PRKCA: variants seen among roughly 807,000 people sequenced by gnomAD.
PRKCA encodes the protein protein kinase C alpha, also known as protein kinase C alpha type.
PRKCA carries 27 observed loss-of-function variants against 87.0 expected under a neutral mutation model. The observed-to-expected ratio is 0.31, with a 90% CI of 0.23 to 0.43. PRKCA has a LOEUF of 0.43. Ranked by LOEUF, PRKCA falls within the 20% of genes least tolerant of loss-of-function variation. The pLI is 1.00. For missense variants in PRKCA, 518 were observed against 852.3 expected (o/e 0.61, Z 4.88); for synonymous variants, 329 against 311.1 (o/e 1.06, Z -0.61).
chr17:66,540,111 T>C (rs770736462), intron 3 of PRKCA, among the ~76,000 whole-genome samples: 1 of 152,192 alleles, frequency 6.6e-6, no homozygotes, highest in Non-Finnish European at 1.5e-5. Flanking sequence ...GTTTTCCCCA[T>C]TGGGAACCCT....
chr17:66,303,377 G>T (rs1904624799), intron 1 of PRKCA, among the ~76,000 whole-genome samples: 5 of 152,172 alleles, frequency 3.3e-5, no homozygotes, highest in Admixed American at 3.3e-4. Context: ...GGGGACAGGG[G>T]AGGAGGAGAG....
chr17:66,742,148 A>G (rs1396006121), intron 12 of PRKCA, among the ~76,000 whole-genome samples: 1 of 152,216 alleles, frequency 6.6e-6, no homozygotes, highest in African/African-American at 2.4e-5. Flanking sequence ...GTGCCAAAGA[A>G]GGAAGAATTT....
At chr17:66,725,665 C>T (rs35199350) in intron 8 of PRKCA, among the ~76,000 whole-genome samples, 45,352 of 151,266 alleles carry the variant, frequency 0.3, 7,567 homozygotes, top group African/African-American at 0.45. Flanking sequence ...AAAAAATTAG[C>T]TGGGTGTGGT....
chr17:66,348,118 T>C (rs981416047), intron 2 of PRKCA, among the ~76,000 whole-genome samples: 1 of 151,602 alleles, frequency 6.6e-6, no homozygotes, highest in African/African-American at 2.4e-5. Flanking sequence ...ATTTTTATAG[T>C]TTTAGTAGAG....
At chr17:66,646,497 T>C (rs1472217194) in intron 5 of PRKCA, among the ~76,000 whole-genome samples, 2 of 152,200 alleles carry the variant, frequency 1.3e-5, no homozygotes, top group Non-Finnish European at 2.9e-5. Flanking sequence ...ACATTACCCT[T>C]GTTGACAAGG....
chr17:66,768,926 A>G (rs1974870806), intron 13 of PRKCA, among the ~76,000 whole-genome samples: 1 of 152,238 alleles, frequency 6.6e-6, no homozygotes, highest in African/African-American at 2.4e-5. Flanking sequence ...TCCTTTGCTT[A>G]AGGGTGTAGG....
chr17:66,349,139 T>A (rs1907581618), intron 2 of PRKCA, among the ~76,000 whole-genome samples: 1 of 152,196 alleles, frequency 6.6e-6, no homozygotes, highest in Admixed American at 6.5e-5. Context: ...TCTCTTCCTG[T>A]CCATAATTTG....
chr17:66,348,776 G>C (rs977054820), intron 2 of PRKCA, among the ~76,000 whole-genome samples: 6 of 152,140 alleles, frequency 3.9e-5, no homozygotes, highest in African/African-American at 1.4e-4. Flanking sequence ...AACAGCAGAG[G>C]GGGAGGGCAG....
At position 66,804,903 on chromosome 17, in the gene PRKCA, A is replaced by G. The variant is rs12947438; in HGVS notation, c.*866A>G. 0.98 allele frequency: 754,602 copies of G among 773,168 alleles called. 368,249 individuals are homozygous for G. Among genetic ancestry groups the G allele is most frequent in the East Asian group, 1 (7,776 of 7,776 alleles). The allele number at this position is 773,168 out of a possible 1,614,324, so 47.9% of individuals were successfully genotyped here. ...ATGCCACTACTCACCAGTGTTGTTC[A>G]CCAACACCCACCCCCACACACACCA... On this transcript the variant is annotated 3_prime_UTR_variant, in exon 17 of 17. Coordinates refer to ENST00000413366, the MANE Select transcript of PRKCA (RefSeq NM_002737.3).
intron 8 of PRKCA, among the ~76,000 whole-genome samples, chr17:66,723,737 A>G (rs1292444077): frequency 6.6e-6 from 1 of 152,178 alleles, no homozygotes; most frequent in Non-Finnish European, 1.5e-5. Context: ...CCTTCAGTGC[A>G]GTCCAGAGAG....
intron 13 of PRKCA, among the ~76,000 whole-genome samples, chr17:66,762,049 TTGATTCACTTCTGTAAC>T (rs1974697932): frequency 6.6e-6 from 1 of 152,200 alleles, no homozygotes; most frequent in Admixed American, 6.5e-5. Context: ...AAAAATCTGT[TTGATTCACTTCTGTAAC>T]TGATTCACTT....
chr17:66,675,306 C>T (rs916073489), intron 5 of PRKCA, among the ~76,000 whole-genome samples: 9 of 152,184 alleles, frequency 5.9e-5, no homozygotes, highest in African/African-American at 2.2e-4. Flanking sequence ...AGGCTCTGCC[C>T]TCCTGGCCTA....
intron 2 of PRKCA, among the ~76,000 whole-genome samples, chr17:66,379,096 G>C (rs1909641410): frequency 6.6e-6 from 1 of 152,154 alleles, no homozygotes; most frequent in South Asian, 2.1e-4. Flanking sequence ...ATTATGAACA[G>C]TGCTGCTGTG....
In PRKCA at chr17:66,550,574, G is replaced by A. The variant is rs556493926; in HGVS notation, c.288+54291G>A. ...TGAGGCAGGAGAATGGCTTGAACCCGGGAGGCAGAGGTAGCAGTGAACCGA... is the reference window on the plus strand; with the variant it reads ...TGAGGCAGGAGAATGGCTTGAACCCAGGAGGCAGAGGTAGCAGTGAACCGA... On this transcript the variant is annotated intron_variant, in intron 3 of 16. Transcript: ENST00000413366. Among the ~76,000 whole-genome samples the A allele has an allele frequency of 1.2e-4, 19 of 152,168 alleles. No individual in the cohort carries two copies. The South Asian group carries it at 3.5e-3, about 28-fold the overall frequency.
intron 3 of PRKCA, among the ~76,000 whole-genome samples, chr17:66,577,858 G>C (rs945296653): frequency 2.0e-5 from 3 of 151,964 alleles, no homozygotes; most frequent in Non-Finnish European, 4.4e-5. Context: ...GGAGTGGGGT[G>C]CTGCCCTAGC....
Position 66,404,742 on chromosome 17 carries a change from C to CTTTTTTTTTTTTTTTTTT in PRKCA, c.206-91449_206-91432dup, listed in dbSNP as rs773919783. On this transcript the variant is annotated intron_variant, in intron 2 of 16. Transcript: ENST00000413366. ...CTGGCTGCTGGAAAGGATGGTAGGC[C>CTTTTTTTTTTTTTTTTTT]TTTTTTTTTTTTTTTTTTTTTTTTT... Among the ~76,000 whole-genome samples the CTTTTTTTTTTTTTTTTTT allele has an allele frequency of 3.7e-4, 20 of 54,244 alleles. 5 individuals are homozygous for CTTTTTTTTTTTTTTTTTT. The highest frequency in any genetic ancestry group is 9.7e-4 in the East Asian group (2 of 2,052). 35.6% of individuals were successfully genotyped at this position (54,244 alleles called of 152,430 possible). A position where few individuals can be genotyped will look rare whatever the true frequency, so the allele number is the denominator to read the frequency against.
intron 3 of PRKCA, among the ~76,000 whole-genome samples, chr17:66,531,707 C>T (rs1967548884): frequency 6.6e-6 from 1 of 152,218 alleles, no homozygotes; most frequent in South Asian, 2.1e-4. Flanking sequence ...AAGCCTCTCT[C>T]ACCCATTCCT....
intron 3 of PRKCA, among the ~76,000 whole-genome samples, chr17:66,566,618 C>G (rs2143355583): frequency 6.6e-6 from 1 of 150,778 alleles, no homozygotes; most frequent in East Asian, 2.0e-4. Context: ...AGGTAACCTA[C>G]TAAGTATAGT....
chr17:66,699,252 A>AT (rs1404941624), intron 8 of PRKCA, among the ~76,000 whole-genome samples: 1 of 150,670 alleles, frequency 6.6e-6, no homozygotes, highest in Non-Finnish European at 1.5e-5. Flanking sequence ...CTAAGAGTTG[A>AT]TTTTTTTGAA....
Sources: gnomAD v4.1 joint callset for allele counts (sites outside exome capture counted in the v4.1 genomes callset) on GRCh38, gnomAD v4.1.1 for gene constraint, MANE v1.5 for transcripts, NCBI Gene and HGNC (gene_info 2026-07-23, HGNC 2026-07-21) for gene names.